SPC24: variants seen among roughly 807,000 people sequenced by gnomAD.
SPC24 encodes the protein kinetochore protein Spc24.
A neutral mutation model predicts 27.6 loss-of-function variants in SPC24; 31 were observed. That is an observed-to-expected ratio of 1.12 (90% confidence interval 0.84 to 1.52). The LOEUF is 1.52. Among genes scored for constraint, SPC24 ranks in the 40% most tolerant of loss-of-function variants. SPC24 has a pLI of 0.00. For synonymous variants in SPC24, 105 were observed against 105.8 expected (o/e 0.99, Z 0.05); for missense variants, 284 against 252.5 (o/e 1.12, Z -0.84).
rs10401912 is a variant in SPC24, at chr19:11,155,589, G to A, written c.160+28C>T. On this transcript the variant is annotated intron_variant, in intron 1 of 4. Coordinates refer to ENST00000592540, the MANE Select transcript of SPC24 (RefSeq NM_182513.4). ...CCAGCACCCGGGCCCCTTCCCCCGT[G>A]GGCCCGCGACCACGCTCCGACCCTC... The A allele has an allele frequency of 1.3e-3, 2,024 of 1,529,122 alleles. 25 individuals are homozygous for A. The African/African-American group carries it at 0.026, about 19-fold the overall frequency. 94.7% of individuals were successfully genotyped at this position (1,529,122 alleles called of 1,614,324 possible).
At chr19:11,150,231 C>G (rs1032330805) in intron 1 of SPC24, among the ~76,000 whole-genome samples, 1 of 148,336 alleles carries the variant, frequency 6.7e-6, no homozygotes, top group Middle Eastern at 3.3e-3. Context: ...TGGCTCATAC[C>G]TGTAATCCCA....
chr19:11,150,210 G>C lies in SPC24; in HGVS notation c.161-972C>G, dbSNP rs1422779576. Reference sequence around the variant, plus strand: ...CAAAAAAAAAAAAAAAAAAAAAAAGGCTAGGTGTGGTGGCTCATACCTGTA... The same window carrying C: ...CAAAAAAAAAAAAAAAAAAAAAAAGCCTAGGTGTGGTGGCTCATACCTGTA... On this transcript the variant is annotated intron_variant, in intron 1 of 4. Transcript: ENST00000592540. Among the ~76,000 whole-genome samples, 9 of 125,526 alleles carry C rather than the reference G, an allele frequency of 7.2e-5. No individual in the cohort carries two copies. In the South Asian group the frequency reaches 2.0e-3, roughly 28 times the overall value. The allele number at this position is 125,526 out of a possible 152,430, so 82.3% of individuals were successfully genotyped here.
intron 1 of SPC24, among the ~76,000 whole-genome samples, chr19:11,152,492 G>A (rs1444779812): frequency 2.6e-5 from 4 of 152,132 alleles, no homozygotes; most frequent in African/African-American, 7.2e-5. Flanking sequence ...TGAGAGGCGT[G>A]AGCCACCACA....
rs1322500788 is a variant in SPC24, at chr19:11,146,848, G to A, written c.*335C>T. On this transcript the variant is annotated 3_prime_UTR_variant, in exon 5 of 5. Coordinates refer to ENST00000592540, the MANE Select transcript of SPC24 (RefSeq NM_182513.4). Reference sequence around the variant, plus strand: ...TCCTAGCACTTTGGGAGGCCAAGGCGGGCGGGTGGATCACCTGAGGTCAGG... The same window carrying A: ...TCCTAGCACTTTGGGAGGCCAAGGCAGGCGGGTGGATCACCTGAGGTCAGG... 1.9e-5 allele frequency: 3 copies of A among 160,530 alleles called. No homozygotes were observed. The highest frequency in any genetic ancestry group is 1.7e-4 in the South Asian group (1 of 5,856). 9.9% of individuals were successfully genotyped at this position (160,530 alleles called of 1,614,324 possible). A position where few individuals can be genotyped will look rare whatever the true frequency, so the allele number is the denominator to read the frequency against.
At chr19:11,147,361 C>G in intron 4 of SPC24, 72 bp from the exon 5 acceptor site, 1 of 1,089,516 alleles carries the variant, frequency 9.2e-7, no homozygotes, top group Non-Finnish European at 1.3e-6. Context: ...AAGGATACTG[C>G]CTTTACTTTT....
At position 11,151,142 on chromosome 19, in the gene SPC24, G is replaced by A. The variant is rs187062112; in HGVS notation, c.161-1904C>T. Among the ~76,000 whole-genome samples, 666 of 121,516 alleles carry A rather than the reference G, an allele frequency of 5.5e-3. 19 individuals are homozygous for A. The highest frequency in any genetic ancestry group is 0.051 in the Admixed American group (497 of 9,714). 79.7% of individuals were successfully genotyped at this position (121,516 alleles called of 152,430 possible). A position where few individuals can be genotyped will look rare whatever the true frequency, so the allele number is the denominator to read the frequency against. The stretch of plus-strand genomic sequence containing the variant: ...CACGCCACTGCACTCCAGCCTGGGC[G>A]ACAGAGCCAGACTCCGTCTCAAAAA... On this transcript the variant is annotated intron_variant, in intron 1 of 4. Transcript: ENST00000592540.
chr19:11,149,798 C>A (rs1053928472), intron 1 of SPC24, among the ~76,000 whole-genome samples: 5 of 151,340 alleles, frequency 3.3e-5, no homozygotes, highest in Non-Finnish European at 7.4e-5. Context: ...GCAACCTCCG[C>A]CTTCCAGTTT....
In SPC24 at chr19:11,155,745, C is replaced by G; in HGVS notation, c.32G>C (p.Ser11Thr). 2 of 1,575,556 alleles carry G rather than the reference C, an allele frequency of 1.3e-6. No individual in the cohort carries two copies. The highest frequency in any genetic ancestry group is 1.7e-6 in the Non-Finnish European group (2 of 1,168,928). ...GCCCAGCAGGCTGAGCAGCCCCTGG[C>G]TCACCTCCTCTATGTCGCGGAAGGC... is the stretch of plus-strand genomic sequence containing the variant. MAAFRDIEEV[S>T]QGLLSLLGAN... The change falls in exon 1 of 5, where the codon AGC (serine) becomes ACC (threonine). Residue 11 changes from serine to threonine, a missense_variant. Transcript: ENST00000592540.
chr19:11,147,260 TG>T lies in SPC24; in HGVS notation c.516del (p.Ile173SerfsTer48). 6.4e-7 allele frequency: 1 copy of T among 1,567,686 alleles called. No individual in the cohort carries two copies. The highest frequency in any genetic ancestry group is 1.2e-5 in the South Asian group (1 of 85,178). ...GIHHGPSVAQ[P>X]IHLDSTQLSR... ...GAGAGCTGGGTGCTGTCCAGGTGGA[TG>T]GGCTGGGCCACACTGGGGCCATGAT... On this transcript the variant is annotated frameshift_variant, in exon 5 of 5. Coordinates refer to ENST00000592540, the MANE Select transcript of SPC24 (RefSeq NM_182513.4). LOFTEE classifies it high-confidence loss of function.
At chr19:11,150,004 A>G (rs1313904600) in intron 1 of SPC24, among the ~76,000 whole-genome samples, 1 of 151,176 alleles carries the variant, frequency 6.6e-6, no homozygotes, top group East Asian at 2.0e-4. Flanking sequence ...GCCACTGCGC[A>G]CGGCAACCCT....
chr19:11,150,428 G>C (rs1380926341), intron 1 of SPC24, among the ~76,000 whole-genome samples: 2 of 151,920 alleles, frequency 1.3e-5, no homozygotes, highest in Non-Finnish European at 2.9e-5. Context: ...GGAGGTTGCG[G>C]TGAGCCGACA....
chr19:11,147,099 ATC>A lies in SPC24; in HGVS notation c.*82_*83del. The A allele has an allele frequency of 3.1e-6, 2 of 638,030 alleles. No homozygotes were observed. The highest frequency in any genetic ancestry group is 2.0e-5 in the African/African-American group (1 of 50,848). 39.5% of individuals were successfully genotyped at this position (638,030 alleles called of 1,614,324 possible). ...CTGTCTCAAAAAAAAAAAAAAAAAGATCTATGTCCCCACATTTCATTTGAAAT... is the reference window on the plus strand; with the variant it reads ...CTGTCTCAAAAAAAAAAAAAAAAAGATATGTCCCCACATTTCATTTGAAAT... On this transcript the variant is annotated 3_prime_UTR_variant, in exon 5 of 5. Transcript: ENST00000592540.
At position 11,147,138 on chromosome 19, in the gene SPC24, C is replaced by T. The variant is rs568051327; in HGVS notation, c.*45G>A. The T allele has an allele frequency of 1.9e-4, 237 of 1,236,016 alleles. No individual in the cohort carries two copies. The highest frequency in any genetic ancestry group is 4.6e-4 in the Admixed American group (21 of 45,994). The allele number at this position is 1,236,016 out of a possible 1,614,324, so 76.6% of individuals were successfully genotyped here. ...ATTTCATTTGAAATGGATCTGACCACGGCAGATGCCCGCTGGGTGCAAGAC... is the reference window on the plus strand; with the variant it reads ...ATTTCATTTGAAATGGATCTGACCATGGCAGATGCCCGCTGGGTGCAAGAC... On this transcript the variant is annotated 3_prime_UTR_variant, in exon 5 of 5. Transcript: ENST00000592540.
At position 11,146,479 on chromosome 19, in the gene SPC24, A is replaced by AAAAAAG. The variant is rs1283117437; in HGVS notation, c.*703_*704insCTTTTT. ...AAGAAATCCAGTAAAAAAAAAAAAA[A>AAAAAAG]AAAAGGCCAGGCGCGGTGACTCACA... On this transcript the variant is annotated 3_prime_UTR_variant, in exon 5 of 5. Coordinates refer to ENST00000592540, the MANE Select transcript of SPC24 (RefSeq NM_182513.4). The AAAAAAG allele has an allele frequency of 2.8e-5, 4 of 144,072 alleles. No individual in the cohort carries two copies. The highest frequency in any genetic ancestry group is 6.1e-5 in the Non-Finnish European group (4 of 65,640). 8.9% of individuals were successfully genotyped at this position (144,072 alleles called of 1,614,324 possible).
chr19:11,155,725 G>C lies in SPC24; in HGVS notation c.52C>G (p.Leu18Val), dbSNP rs759108449. The change falls in exon 1 of 5, where the codon CTG (leucine) becomes GTG (valine). Residue 18 changes from leucine to valine, a missense_variant. Leu to Val is a conservative substitution (Grantham distance 32). Coordinates refer to ENST00000592540, the MANE Select transcript of SPC24 (RefSeq NM_182513.4). ...TGCGCCTCCGCGCGGTTGGCGCCCAGCAGGCTGAGCAGCCCCTGGCTCACC... is the reference window on the plus strand; with the variant it reads ...TGCGCCTCCGCGCGGTTGGCGCCCACCAGGCTGAGCAGCCCCTGGCTCACC... ...EEVSQGLLSL[L>V]GANRAEAQQR... 6.3e-7 allele frequency: 1 copy of C among 1,579,276 alleles called. No individual in the cohort carries two copies. The highest frequency in any genetic ancestry group is 8.5e-7 in the Non-Finnish European group (1 of 1,170,798).
chr19:11,155,166 A>G (rs957544949), intron 1 of SPC24, among the ~76,000 whole-genome samples: 1 of 152,142 alleles, frequency 6.6e-6, no homozygotes, highest in African/African-American at 2.4e-5. Flanking sequence ...GCTCCATAAA[A>G]CATCTGAATG....
Position 11,147,877 on chromosome 19 carries a change from TA to T in SPC24, c.427del (p.Tyr143ThrfsTer78), listed in dbSNP as rs2077838671. On this transcript the variant is annotated frameshift_variant, in exon 4 of 5. Coordinates refer to ENST00000592540, the MANE Select transcript of SPC24 (RefSeq NM_182513.4). LOFTEE classifies it high-confidence loss of function. ...CCACTCAATTTTACTAACTTGGTGG[TA>T]AAGTTGAGCCACGTACCTGTACAGG... ...IPSAVYVAQL[Y>X]HQVSKIEWDY... 5 of 1,574,770 alleles carry T rather than the reference TA, an allele frequency of 3.2e-6. No homozygotes were observed. Among genetic ancestry groups the T allele is most frequent in the Non-Finnish European group, 4.3e-6 (5 of 1,165,126 alleles).
intron 2 of SPC24, among the ~76,000 whole-genome samples, chr19:11,148,594 C>T (rs2147314790): frequency 6.6e-6 from 1 of 152,136 alleles, no homozygotes; most frequent in Non-Finnish European, 1.5e-5. Context: ...AATCCTCCCA[C>T]CTCGGCCTCC....
intron 1 of SPC24, among the ~76,000 whole-genome samples, chr19:11,150,954 T>A (rs377263552): frequency 6.6e-6 from 1 of 151,904 alleles, no homozygotes; most frequent in Non-Finnish European, 1.5e-5. Context: ...ACGAGGTCAG[T>A]AGATCGAGAC....
Sources: allele counts gnomAD v4.1 joint callset (sites outside exome capture counted in the v4.1 genomes callset), GRCh38; gene constraint gnomAD v4.1.1; transcripts MANE v1.5; gene names NCBI Gene and HGNC (gene_info 2026-07-23, HGNC 2026-07-21).